Variants in ASPHD1 observed in about 807,000 individuals in gnomAD.
The protein encoded by ASPHD1 is aspartate beta-hydroxylase domain containing 1.
ASPHD1 carries 20 observed loss-of-function variants against 28.3 expected under a neutral mutation model. That is an observed-to-expected ratio of 0.71 (90% CI 0.50 to 1.03). The LOEUF (loss-of-function observed/expected upper bound fraction) is 1.03, where lower values mean the gene tolerates loss of function less well. Among genes scored for constraint, ASPHD1 ranks in the 50% least tolerant of loss-of-function variants. ASPHD1 has a pLI of 0.00. For missense variants in ASPHD1, 479 were observed against 524.1 expected, an observed-to-expected ratio of 0.91 and a Z score of 0.84; for synonymous variants, 240 against 221.2, an observed-to-expected ratio of 1.08 and a Z score of -0.75.
In ASPHD1 at chr16:29,901,701, C is replaced by T. The variant is rs543159015; in HGVS notation, c.730C>T (p.Pro244Ser). The change falls in exon 1 of 3, where the codon CCT (proline) becomes TCT (serine). Residue 244 changes from proline to serine, a missense_variant. Pro to Ser is a moderately conservative substitution (Grantham distance 74). Transcript: ENST00000308748. The surrounding 1 kb of genome is among the most constrained non-coding windows in gnomAD (Gnocchi z 5.1). ...CCCTCCGCCTCGGGGCTGGTCCCCACCTCTGGCCCCCGGGTGCTACCAGCT... is the reference window on the plus strand; with the variant it reads ...CCCTCCGCCTCGGGGCTGGTCCCCATCTCTGGCCCCCGGGTGCTACCAGCT... ...TTPPPRGWSP[P>S]LAPGCYQLLL... 2 of 1,579,128 alleles carry T rather than the reference C, an allele frequency of 1.3e-6. No homozygotes were observed. Among genetic ancestry groups the T allele is most frequent in the Non-Finnish European group, 1.7e-6 (2 of 1,166,152 alleles).
Position 29,900,677 on chromosome 16 carries a change from G to A in ASPHD1, c.-295G>A, listed in dbSNP as rs2068527954. The A allele has an allele frequency of 5.8e-6, 3 of 516,572 alleles. No individual in the cohort carries two copies. Among genetic ancestry groups the A allele is most frequent in the South Asian group, 4.5e-5 (2 of 44,510 alleles). 32.0% of individuals were successfully genotyped at this position (516,572 alleles called of 1,614,324 possible). A position where few individuals can be genotyped will look rare whatever the true frequency, so the allele number is the denominator to read the frequency against. On this transcript the variant is annotated 5_prime_UTR_variant, in exon 1 of 3. Coordinates refer to ENST00000308748, the MANE Select transcript of ASPHD1 (RefSeq NM_181718.4). ...GGGCAAGGAGAGAGCAGTGAGGCCG[G>A]AGAGAAAGAAGCTGCCGCGGAGGAA...
intron 3 of ASPHD1, among the ~76,000 whole-genome samples, chr16:29,916,977 A>C (rs2068821408): frequency 6.6e-6 from 1 of 152,234 alleles, no homozygotes; most frequent in Admixed American, 6.5e-5. Context: ...GAGTGTCCTC[A>C]CATAGCATTC....
chr16:29,913,590 T>C (rs2068755610), intron 3 of ASPHD1: 1 of 152,214 alleles, frequency 6.6e-6, no homozygotes, highest in African/African-American at 2.4e-5. Context: ...GCACAGGGTC[T>C]CTTCTGAGGC....
chr16:29,900,672 G>A lies in ASPHD1; in HGVS notation c.-300G>A. 2.0e-6 allele frequency: 1 copy of A among 505,694 alleles called. No individual in the cohort carries two copies. The highest frequency in any genetic ancestry group is 3.5e-6 in the Non-Finnish European group (1 of 282,342). 31.3% of individuals were successfully genotyped at this position (505,694 alleles called of 1,614,324 possible). On this transcript the variant is annotated 5_prime_UTR_variant, in exon 1 of 3. Coordinates refer to ENST00000308748, the MANE Select transcript of ASPHD1 (RefSeq NM_181718.4). ...AGCGAGGGCAAGGAGAGAGCAGTGAGGCCGGAGAGAAAGAAGCTGCCGCGG... is the reference window on the plus strand; with the variant it reads ...AGCGAGGGCAAGGAGAGAGCAGTGAAGCCGGAGAGAAAGAAGCTGCCGCGG...
chr16:29,904,562 G>A (rs1347605145), intron 1 of ASPHD1, among the ~76,000 whole-genome samples: 4 of 149,238 alleles, frequency 2.7e-5, no homozygotes, highest in African/African-American at 9.9e-5. Flanking sequence ...AGAGTGAGCT[G>A]AGATCACACC....
At position 29,901,161 on chromosome 16, in the gene ASPHD1, G is replaced by T. The variant is rs1281330641; in HGVS notation, c.190G>T (p.Ala64Ser). Residue 64 changes from alanine (A) to serine (S), a missense_variant, in exon 1 of 3, where the codon GCC (alanine) becomes TCC (serine). Coordinates refer to ENST00000308748, the MANE Select transcript of ASPHD1 (RefSeq NM_181718.4). The surrounding 1 kb of genome is among the most constrained non-coding windows in gnomAD (Gnocchi z 5.1). ...PEDAPGLLAR[A>S]SLIMLPWPLP... is the part of the protein sequence containing the mutation. ...GGACGCCCCAGGCCTCTTGGCCAGG[G>T]CCTCCCTGATCATGCTCCCGTGGCC... 3 of 1,611,904 alleles carry T rather than the reference G, an allele frequency of 1.9e-6. No individual in the cohort carries two copies. Among genetic ancestry groups the T allele is most frequent in the East Asian group, 4.5e-5 (2 of 44,840 alleles).
intron 3 of ASPHD1, chr16:29,911,923 C>T (rs1219259775): frequency 8.1e-6 from 13 of 1,606,516 alleles, no homozygotes; most frequent in Non-Finnish European, 1.1e-5. Flanking sequence ...GAGGCCCCCC[C>T]AGTGAGCCTC....
chr16:29,911,085 C>T, intron 3 of ASPHD1: 1 of 1,614,208 alleles, frequency 6.2e-7, no homozygotes, highest in South Asian at 1.1e-5. Context: ...TCCCCCAGGA[C>T]ATCCTTGAGG....
chr16:29,905,629 GA>G (rs770029376), intron 2 of ASPHD1, among the ~76,000 whole-genome samples, 158 bp from the exon 3 acceptor site: 1,476 of 49,796 alleles, frequency 0.03, 17 homozygotes, highest in African/African-American at 0.092. Context: ...TCCATCTCAG[GA>G]AAAAAAAAAA....
chr16:29,903,492 A>T (rs1449587651), intron 1 of ASPHD1, among the ~76,000 whole-genome samples: 1 of 151,998 alleles, frequency 6.6e-6, no homozygotes, highest in Non-Finnish European at 1.5e-5. Context: ...TTGATGTCTT[A>T]AAGACTGGAA....
At chr16:29,903,094 G>A (rs1222894359) in intron 1 of ASPHD1, among the ~76,000 whole-genome samples, 9 of 150,102 alleles carry the variant, frequency 6.0e-5, no homozygotes, top group African/African-American at 1.7e-4. Flanking sequence ...GGTGGCTCAC[G>A]CCTGTAATCC....
In ASPHD1 at chr16:29,904,862, C is replaced by A; in HGVS notation, c.960C>A (p.Ile320=). ...ARVRCHLGLK[I]PPGCELVVGG... is the part of the protein sequence containing the mutation. ...CGTCTCTTCTTACAGGCCTAAAGATCCCTCCTGGCTGTGAGCTGGTGGTCG... is the reference window on the plus strand; with the variant it reads ...CGTCTCTTCTTACAGGCCTAAAGATACCTCCTGGCTGTGAGCTGGTGGTCG... The change falls in exon 2 of 3, where the codon ATC becomes ATA. Residue 320 remains isoleucine, a synonymous_variant. Transcript: ENST00000308748. The A allele has an allele frequency of 3.1e-6, 5 of 1,610,992 alleles. No individual in the cohort carries two copies. Among genetic ancestry groups the A allele is most frequent in the Non-Finnish European group, 4.2e-6 (5 of 1,179,006 alleles).
intron 1 of ASPHD1, among the ~76,000 whole-genome samples, chr16:29,904,565 A>C (rs1337729308): frequency 2.0e-5 from 3 of 150,990 alleles, no homozygotes; most frequent in African/African-American, 7.3e-5. Flanking sequence ...GTGAGCTGAG[A>C]TCACACCACT....
downstream of ASPHD1, among the ~76,000 whole-genome samples, chr16:29,909,658 A>G (rs554970350): frequency 6.0e-5 from 9 of 150,728 alleles, no homozygotes; most frequent in Admixed American, 2.0e-4. Flanking sequence ...TTAAGAATCT[A>G]TTTTTGGCAA....
At chr16:29,904,805 C>T in intron 1 of ASPHD1, 47 bp from the exon 2 acceptor site, 1 of 1,352,176 alleles carries the variant, frequency 7.4e-7, no homozygotes, top group Non-Finnish European at 1.0e-6. Context: ...AGGATGGGCC[C>T]CTGGGATGGA....
chr16:29,904,254 T>C (rs1166305063), intron 1 of ASPHD1, among the ~76,000 whole-genome samples: 2 of 152,198 alleles, frequency 1.3e-5, no homozygotes, highest in African/African-American at 4.8e-5. Flanking sequence ...GAGACCAGCC[T>C]GGCCAACATG....
At chr16:29,915,212 T>G (rs1487186874) in intron 3 of ASPHD1, 1 of 152,250 alleles carries the variant, frequency 6.6e-6, no homozygotes, top group Admixed American at 6.5e-5. Flanking sequence ...AGTTTGGGTG[T>G]GCAAAGCCGT....
At position 29,901,567 on chromosome 16, in the gene ASPHD1, C is replaced by T. The variant is rs769814443; in HGVS notation, c.596C>T (p.Pro199Leu). ...LLFLPDLPSAPFVPRDAQRHD... is the reference protein window; with the variant it reads ...LLFLPDLPSALFVPRDAQRHD... ...TTCCTACCAGACCTGCCTTCAGCCC[C>T]CTTTGTGCCGCGGGACGCCCAGCGG... The change falls in exon 1 of 3, where the codon CCC becomes CTC. Residue 199 changes from proline (P) to leucine (L), a missense_variant. Transcript: ENST00000308748. This position sits in a 1 kb window ranked among gnomAD's most constrained non-coding sequence, Gnocchi z 5.1. 1 of 1,548,138 alleles carries T rather than the reference C, an allele frequency of 6.5e-7. No individual in the cohort carries two copies. Among genetic ancestry groups the T allele is most frequent in the South Asian group, 1.2e-5 (1 of 83,008 alleles).
intron 3 of ASPHD1, chr16:29,911,133 C>T (rs774536350): frequency 1.2e-5 from 19 of 1,614,040 alleles, no homozygotes; most frequent in Non-Finnish European, 1.5e-5. Context: ...GCCAGCTTGT[C>T]GAACAGCTCG....
Sources: allele counts gnomAD v4.1 joint callset (sites outside exome capture counted in the v4.1 genomes callset), GRCh38; gene constraint gnomAD v4.1.1; non-coding constraint Gnocchi (gnomAD v3.1); transcripts MANE v1.5; gene names NCBI Gene and HGNC (gene_info 2026-07-23, HGNC 2026-07-21).